Variants in NME9 observed in about 807,000 individuals in gnomAD.
NME9 encodes the protein thioredoxin domain-containing protein 6.
NME9 carries 48 observed loss-of-function variants against 44.4 expected under a neutral mutation model. The observed-to-expected ratio is 1.08, with a 90% CI of 0.86 to 1.37. The LOEUF is 1.37. NME9 is among the 40% of genes most tolerant of loss of function. The pLI is 0.00. For synonymous variants in NME9, 139 were observed against 147.1 expected, an observed-to-expected ratio of 0.94 and a Z score of 0.40; for missense variants, 325 against 405.2, an observed-to-expected ratio of 0.80 and a Z score of 1.70.
In NME9 at chr3:138,304,949, C is replaced by G; in HGVS notation, c.715G>C (p.Glu239Gln). The change falls in exon 9 of 11, where the codon GAG (glutamate) becomes CAG (glutamine). Residue 239 changes from glutamate (E) to glutamine (Q), a missense_variant. Physicochemically the swap from Glu to Gln is conservative, Grantham distance 29. Transcript: ENST00000333911. ...GTTCGCCAGGTAGTGACCACGTCCT[C>G]GAAGCCCTCAGTCCTGGTGAGGATC... ...LLILTRTEGFEDVVTTWRTVM... is the reference protein window; with the variant it reads ...LLILTRTEGFQDVVTTWRTVM... 1.2e-6 allele frequency: 2 copies of G among 1,614,122 alleles called. No individual in the cohort carries two copies. Among genetic ancestry groups the G allele is most frequent in the Non-Finnish European group, 1.7e-6 (2 of 1,180,002 alleles).
intron 8 of NME9, chr3:138,284,356 T>C (rs2050205851): frequency 1.8e-6 from 2 of 1,110,214 alleles, no homozygotes; most frequent in Admixed American, 1.8e-5. Flanking sequence ...AGTGAAAAAT[T>C]GCCCAAGCTC....
intron 8 of NME9, chr3:138,267,096 T>C: frequency 1.2e-6 from 1 of 869,234 alleles, no homozygotes; most frequent in Non-Finnish European, 1.8e-6. Flanking sequence ...TTATATCTCA[T>C]TTTATATCTC....
chr3:138,284,572 G>A (rs2050226113), intron 8 of NME9: 9 of 1,371,248 alleles, frequency 6.6e-6, no homozygotes, highest in Non-Finnish European at 9.3e-6. Flanking sequence ...TGCAGGGACT[G>A]TTGCATTTTT....
chr3:138,300,056 A>G (rs930680983), downstream of NME9, among the ~76,000 whole-genome samples: 1 of 152,176 alleles, frequency 6.6e-6, no homozygotes, highest in African/African-American at 2.4e-5. Context: ...CCCAAAGGGA[A>G]GAGCACAGCC....
At chr3:138,263,702 A>G (rs371229200) in intron 8 of NME9, 248 of 1,530,312 alleles carry the variant, frequency 1.6e-4, no homozygotes, top group Non-Finnish European at 2.1e-4. Context: ...TGTCACCTTC[A>G]TGTTGTTATT....
At chr3:138,303,876 A>G (rs1178340786) in intron 9 of NME9, among the ~76,000 whole-genome samples, 1 of 152,028 alleles carries the variant, frequency 6.6e-6, no homozygotes, top group African/African-American at 2.4e-5. Context: ...ATCCCATTAC[A>G]TTTTCGCCAC....
intron 8 of NME9, among the ~76,000 whole-genome samples, chr3:138,276,175 T>C (rs78874889): frequency 0.067 from 10,243 of 152,270 alleles, 1,179 homozygotes; most frequent in African/African-American, 0.23. Flanking sequence ...GGAAGTGATC[T>C]GGAAATAGGC....
At chr3:138,274,868 A>G (rs2049127050) in intron 8 of NME9, among the ~76,000 whole-genome samples, 1 of 152,196 alleles carries the variant, frequency 6.6e-6, no homozygotes, top group African/African-American at 2.4e-5. Flanking sequence ...TTCCAGGATA[A>G]ATAAATAGTG....
Position 138,315,577 on chromosome 3 carries a change from G to C in NME9, c.334C>G (p.Gln112Glu). The change falls in exon 5 of 11, where the codon CAG (glutamine) becomes GAG (glutamate). Residue 112 changes from glutamine to glutamate, a missense_variant. Transcript: ENST00000333911. Reference protein sequence around the residue: ...APLLQKTILDQLEAEKKVLAE... With the variant: ...APLLQKTILDELEAEKKVLAE... ...AGCACTTTCTTTTCGGCCTCCAGCT[G>C]GTCTAGGATGGTTTTCTGCAGCAGT... 6.5e-7 allele frequency: 1 copy of C among 1,536,638 alleles called. No individual in the cohort carries two copies. The highest frequency in any genetic ancestry group is 8.7e-7 in the Non-Finnish European group (1 of 1,147,028).
intron 6 of NME9, 24 bp downstream of exon 6, chr3:138,314,308 C>A: frequency 1.4e-6 from 2 of 1,467,226 alleles, no homozygotes; most frequent in Non-Finnish European, 1.9e-6. Flanking sequence ...GCTTTTTTCC[C>A]TTGCTCATTG....
chr3:138,298,586 CCTT>C (rs780844854), downstream of NME9, among the ~76,000 whole-genome samples: 27 of 152,058 alleles, frequency 1.8e-4, no homozygotes, highest in Non-Finnish European at 2.8e-4. Flanking sequence ...TTTTTGGCCT[CCTT>C]CTGAAGGCCA....
In NME9 at chr3:138,303,616, C is replaced by G. The variant is rs145165443; in HGVS notation, c.819G>C (p.Met273Ile). The G allele has an allele frequency of 1.6e-4, 261 of 1,613,830 alleles. No homozygotes were observed. In the African/African-American group the frequency reaches 2.7e-3, roughly 17 times the overall value. ...GGCTTCCATGGACGGCATTGAAGGG[C>G]ATTTCTGTGCCGTACTGAGCTCGGA... is the stretch of plus-strand genomic sequence containing the variant. Reference protein sequence around the residue: ...ESLRAQYGTEMPFNAVHGSRD... With the variant: ...ESLRAQYGTEIPFNAVHGSRD... The change falls in exon 10 of 11, where the codon ATG (methionine) becomes ATC (isoleucine). Residue 273 changes from methionine to isoleucine, a missense_variant. Transcript: ENST00000333911.
chr3:138,275,022 T>G (rs1189337393), intron 8 of NME9, among the ~76,000 whole-genome samples: 1 of 152,208 alleles, frequency 6.6e-6, no homozygotes, highest in Non-Finnish European at 1.5e-5. Context: ...TTCCATTAAG[T>G]TTCAGGAGGG....
Position 138,287,798 on chromosome 3 carries a change from T to C in NME9, c.745+15709A>G, listed in dbSNP as rs76573097. 5.4e-3 allele frequency: 2,130 copies of C among 393,098 alleles called. 41 individuals carry two copies. The highest frequency in any genetic ancestry group is 0.038 in the African/African-American group (1,851 of 48,188). The allele number at this position is 393,098 out of a possible 1,614,324, so 24.4% of individuals were successfully genotyped here. ...GTCTGTCTTAGCCTTGAAAAAACCA[T>C]TGAGCATATTTTGCCATTGATACTC... On this transcript the variant is annotated intron_variant, in intron 8 of 8. Transcript: ENST00000317876.
intron 8 of NME9, among the ~76,000 whole-genome samples, chr3:138,293,924 G>A (rs1306848031): frequency 3.3e-5 from 5 of 152,110 alleles, no homozygotes; most frequent in African/African-American, 7.2e-5. Flanking sequence ...CTTCTTAAAC[G>A]TAAACCGTAA....
At chr3:138,286,986 A>G (rs1388180572) in intron 8 of NME9, among the ~76,000 whole-genome samples, 1 of 152,088 alleles carries the variant, frequency 6.6e-6, no homozygotes, top group East Asian at 1.9e-4. Flanking sequence ...CCTTCTTCCA[A>G]AACTGATCTT....
Position 138,329,352 on chromosome 3 carries a change from C to G in NME9, c.-17G>C. ...GCTGCCCATGGCTCTGCAAAGAAGA[C>G]GAAGCCCTGTTACCGCGGCCGTGGG... On this transcript the variant is annotated 5_prime_UTR_variant, in exon 1 of 11. Coordinates refer to ENST00000333911, the MANE Select transcript of NME9 (RefSeq NM_001349018.2). 2 of 1,536,020 alleles carry G rather than the reference C, an allele frequency of 1.3e-6. No homozygotes were observed. Among genetic ancestry groups the G allele is most frequent in the East Asian group, 2.4e-5 (1 of 40,906 alleles).
intron 2 of NME9, among the ~76,000 whole-genome samples, chr3:138,322,485 GGTGTGTGTGTGTGTGT>G (rs10580643): frequency 4.1e-5 from 6 of 146,328 alleles, no homozygotes; most frequent in African/African-American, 1.5e-4. Context: ...AAGAAAAAGG[GGTGTGTGTGTGTGTGT>G]GTGTGTGTGT....
At chr3:138,282,711 A>G (rs6796663) in intron 8 of NME9, among the ~76,000 whole-genome samples, 7,673 of 151,790 alleles carry the variant, frequency 0.051, 659 homozygotes, top group African/African-American at 0.17. Flanking sequence ...GGGCTAGAAT[A>G]TAGGGAAAGC....
Sources: allele counts gnomAD v4.1 joint callset (sites outside exome capture counted in the v4.1 genomes callset), GRCh38; gene constraint gnomAD v4.1.1; transcripts MANE v1.5; gene names NCBI Gene and HGNC (gene_info 2026-07-23, HGNC 2026-07-21).